Variants in CNTNAP2 observed in about 807,000 individuals in gnomAD.
The protein encoded by CNTNAP2 is contactin associated protein 2.
CNTNAP2 carries 98 observed loss-of-function variants against 155.2 expected under a neutral mutation model. That is an observed-to-expected ratio of 0.63 (90% CI 0.54 to 0.75). The LOEUF (loss-of-function observed/expected upper bound fraction) is 0.75, where lower values mean the gene tolerates loss of function less well. CNTNAP2 is among the 30% of genes least tolerant of loss of function. The pLI is 0.00. For synonymous variants in CNTNAP2, 651 were observed against 631.2 expected (o/e 1.03, Z -0.47); for missense variants, 1,727 against 1,688.1 (o/e 1.02, Z -0.40).
intron 14 of CNTNAP2, among the ~76,000 whole-genome samples, chr7:147,951,397 T>A (rs571834160): frequency 6.6e-6 from 1 of 152,274 alleles, no homozygotes; most frequent in South Asian, 2.1e-4. Flanking sequence ...TCAGTAGGCT[T>A]TATAGTGGAG....
intron 9 of CNTNAP2, among the ~76,000 whole-genome samples, chr7:147,366,236 C>G (rs1427446157): frequency 6.6e-6 from 1 of 152,060 alleles, no homozygotes; most frequent in African/African-American, 2.4e-5. Flanking sequence ...TTCTCATTAG[C>G]TTTTTAATCT....
intron 16 of CNTNAP2, among the ~76,000 whole-genome samples, chr7:148,136,418 C>T (rs1804951186): frequency 6.6e-6 from 1 of 152,098 alleles, no homozygotes; most frequent in African/African-American, 2.4e-5. Flanking sequence ...TCTCTCGCTT[C>T]CTCTCTTGCC....
intron 12 of CNTNAP2, among the ~76,000 whole-genome samples, chr7:147,570,944 T>C (rs1398639918): frequency 1.3e-5 from 2 of 152,208 alleles, no homozygotes; most frequent in East Asian, 1.9e-4. Flanking sequence ...TTCATTATCA[T>C]TGAAACTTTC....
intron 3 of CNTNAP2, among the ~76,000 whole-genome samples, chr7:146,954,009 A>G (rs1220553984): frequency 6.6e-6 from 1 of 151,950 alleles, no homozygotes; most frequent in Non-Finnish European, 1.5e-5. Flanking sequence ...TATTGCTTTG[A>G]TACCACCATA....
intron 14 of CNTNAP2, among the ~76,000 whole-genome samples, chr7:147,940,952 C>CAT (rs1170797011): frequency 2.0e-5 from 3 of 152,224 alleles, no homozygotes; most frequent in African/African-American, 7.2e-5. Context: ...AAGAGAAACT[C>CAT]ATAAGCTAGC....
At chr7:147,175,466 C>T (rs1455143845) in intron 8 of CNTNAP2, among the ~76,000 whole-genome samples, 1 of 152,110 alleles carries the variant, frequency 6.6e-6, no homozygotes, top group African/African-American at 2.4e-5. Flanking sequence ...ACTATATGTA[C>T]ATTTCTTGTT....
At chr7:146,356,882 G>A (rs188649002) in intron 1 of CNTNAP2, among the ~76,000 whole-genome samples, 52 of 152,132 alleles carry the variant, frequency 3.4e-4, no homozygotes, top group African/African-American at 1.2e-3. Context: ...TGACAACCTG[G>A]GAGCCCACTG....
intron 15 of CNTNAP2, among the ~76,000 whole-genome samples, chr7:148,032,602 A>T (rs1218230082): frequency 6.6e-6 from 1 of 152,196 alleles, no homozygotes; most frequent in Non-Finnish European, 1.5e-5. Flanking sequence ...CAAGGTCCCA[A>T]CATGACACCT....
At chr7:146,725,321 A>G (rs564664466) in intron 1 of CNTNAP2, among the ~76,000 whole-genome samples, 68 of 152,326 alleles carry the variant, frequency 4.5e-4, no homozygotes, top group Non-Finnish European at 8.7e-4. Context: ...CTTTGCAGAC[A>G]TTATAACAGT....
chr7:146,559,698 A>G (rs1690042760), intron 1 of CNTNAP2, among the ~76,000 whole-genome samples: 2 of 152,194 alleles, frequency 1.3e-5, no homozygotes, highest in Admixed American at 1.3e-4. Context: ...GAATATCATA[A>G]GTTTGATATT....
At chr7:147,603,100 C>G (rs988319337) in intron 12 of CNTNAP2, among the ~76,000 whole-genome samples, 11 of 151,542 alleles carry the variant, frequency 7.3e-5, no homozygotes, top group African/African-American at 2.7e-4. Flanking sequence ...ACAGTCCCAC[C>G]AACAGTGTAA....
At chr7:147,310,744 A>T (rs1795108797) in intron 9 of CNTNAP2, among the ~76,000 whole-genome samples, 1 of 152,182 alleles carries the variant, frequency 6.6e-6, no homozygotes, top group Non-Finnish European at 1.5e-5. Context: ...AAAAAATTCA[A>T]AGAGACATGT....
At chr7:146,456,707 C>T (rs1351655966) in intron 1 of CNTNAP2, among the ~76,000 whole-genome samples, 1 of 152,130 alleles carries the variant, frequency 6.6e-6, no homozygotes, top group East Asian at 1.9e-4. Flanking sequence ...GAAGCAATGC[C>T]TTGTCAGCAT....
chr7:146,243,298 ATGTAT>A (rs1326610497), intron 1 of CNTNAP2, among the ~76,000 whole-genome samples: 1 of 151,980 alleles, frequency 6.6e-6, no homozygotes, highest in Non-Finnish European at 1.5e-5. Flanking sequence ...TTAATTATTT[ATGTAT>A]TGTACAATAT....
rs138208091 is a variant in CNTNAP2 at position 146,943,033 on chromosome 7, A to T, written c.403-100874A>T. ...AAATAGAGTGTACAATTAACCCTTG[A>T]ACAATGTGAGAATTAAGGGCACAGA... On this transcript the variant is annotated intron_variant, in intron 3 of 23. Coordinates refer to ENST00000361727, the MANE Select transcript of CNTNAP2 (RefSeq NM_014141.6). Among the ~76,000 whole-genome samples the T allele has an allele frequency of 1.9e-3, 290 of 152,310 alleles. 3 individuals are homozygous for T. The highest frequency in any genetic ancestry group is 6.2e-3 in the African/African-American group (257 of 41,580).
intron 13 of CNTNAP2, among the ~76,000 whole-genome samples, chr7:147,696,640 T>C (rs757753558): frequency 6.6e-6 from 1 of 152,122 alleles, no homozygotes; most frequent in Non-Finnish European, 1.5e-5. Context: ...TATATCATTT[T>C]TGTTTCCTCT....
intron 21 of CNTNAP2, among the ~76,000 whole-genome samples, chr7:148,296,120 T>C (rs923878409): frequency 6.6e-6 from 1 of 152,126 alleles, no homozygotes; most frequent in African/African-American, 2.4e-5. Flanking sequence ...CCAAAAACTC[T>C]CTCTTTTTAG....
chr7:146,559,992 T>G (rs1238757745), intron 1 of CNTNAP2, among the ~76,000 whole-genome samples: 1 of 152,230 alleles, frequency 6.6e-6, no homozygotes, highest in Admixed American at 6.5e-5. Context: ...TTTTTCTGTA[T>G]TTAAAATGAA....
intron 1 of CNTNAP2, among the ~76,000 whole-genome samples, chr7:146,560,143 C>A (rs542459519): frequency 6.6e-6 from 1 of 152,158 alleles, no homozygotes; most frequent in South Asian, 2.1e-4. Context: ...CACTGAATTC[C>A]TTTGCAGGGT....
Sources: gnomAD v4.1 joint callset for allele counts (sites outside exome capture counted in the v4.1 genomes callset) on GRCh38, gnomAD v4.1.1 for gene constraint, MANE v1.5 for transcripts, NCBI Gene and HGNC (gene_info 2026-07-23, HGNC 2026-07-21) for gene names.